Variants in PLPP5 observed in about 807,000 individuals in gnomAD.
PLPP5 encodes phospholipid phosphatase 5, also known as diacylglycerol pyrophosphate like 1.
A neutral mutation model predicts 23.6 loss-of-function variants in PLPP5; 29 were observed. The ratio of observed to expected loss-of-function variants is 1.23; its 90% CI spans 0.92 to 1.68. The LOEUF is 1.68. Among genes scored for constraint, PLPP5 ranks in the 40% most tolerant of loss-of-function variants. The pLI, the probability that PLPP5 is intolerant of heterozygous loss-of-function variation, is 0.00. For missense variants in PLPP5, 315 were observed against 332.1 expected (o/e 0.95, Z 0.40); for synonymous variants, 143 against 131.3 (o/e 1.09, Z -0.61).
At chr8:38,267,116 G>A (rs1807740988) in intron 5 of PLPP5, 151 bp downstream of exon 5, 1 of 1,508,618 alleles carries the variant, frequency 6.6e-7, no homozygotes, top group African/African-American at 1.4e-5. Context: ...TCAAGGCTCA[G>A]ACTTGTTAAA....
chr8:38,267,473 G>C lies in PLPP5; in HGVS notation c.339-82C>G. 3 of 1,530,114 alleles carry C rather than the reference G, an allele frequency of 2.0e-6. No individual in the cohort carries two copies. The Admixed American group carries it at 5.7e-5, about 29-fold the overall frequency. The allele number at this position is 1,530,114 out of a possible 1,614,324, so 94.8% of individuals were successfully genotyped here. On this transcript the variant is annotated intron_variant, in intron 4 of 6. Transcript: ENST00000424479. ...AGTTGTAGCAGACATTAATAATCCT[G>C]TTAACTATTGGTCAAATAGTGCCCC... is the stretch of plus-strand genomic sequence containing the variant.
intron 1 of PLPP5, 66 bp from the exon 2 acceptor site, chr8:38,269,056 C>G: frequency 6.6e-7 from 1 of 1,524,462 alleles, no homozygotes; most frequent in Non-Finnish European, 8.8e-7. Context: ...CACTGCCCGA[C>G]CCGCCGCCCC....
At position 38,264,507 on chromosome 8, in the gene PLPP5, A is replaced by C. The variant is rs1364672485; in HGVS notation, c.732T>G (p.Phe244Leu). The C allele has an allele frequency of 6.4e-7, 1 of 1,557,782 alleles. No homozygotes were observed. Among genetic ancestry groups the C allele is most frequent in the South Asian group, 1.2e-5 (1 of 84,374 alleles). The change falls in exon 7 of 7, where the codon TTT becomes TTG. Residue 244 changes from phenylalanine (F) to leucine (L), a missense_variant. By Grantham distance (22) the Phe-to-Leu change is conservative. Coordinates refer to ENST00000424479, the MANE Select transcript of PLPP5 (RefSeq NM_001102559.2). ...CAGTGGAAAGTACAAGTTTGTCTTG[A>C]AATGGTTTATGGCATTCTGCATCAG... ...PLTDAECHKP[F>L]QDKLVLSTAQ... is the part of the protein sequence containing the mutation.
chr8:38,264,069 GA>G lies in PLPP5; in HGVS notation c.*374del, dbSNP rs1212873432. 2.0e-6 allele frequency: 2 copies of G among 989,920 alleles called. No individual in the cohort carries two copies. The highest frequency in any genetic ancestry group is 2.4e-6 in the Non-Finnish European group (2 of 833,046). 61.3% of individuals were successfully genotyped at this position (989,920 alleles called of 1,614,324 possible). ...TGTCCTCACTTGCACCTTGGAAGGG[GA>G]AAAAAAGGCTAGAATTTCTTGTCTT... On this transcript the variant is annotated 3_prime_UTR_variant, in exon 7 of 7. Coordinates refer to ENST00000424479, the MANE Select transcript of PLPP5 (RefSeq NM_001102559.2).
In PLPP5 at chr8:38,263,935, T is replaced by G; in HGVS notation, c.*509A>C. On this transcript the variant is annotated 3_prime_UTR_variant, in exon 7 of 7. Coordinates refer to ENST00000424479, the MANE Select transcript of PLPP5 (RefSeq NM_001102559.2). ...TGTTGGACACCTTTGAAAGATCCTT[T>G]TACTAGAACATGTGGCATACAGTAG... The G allele has an allele frequency of 1.0e-6, 1 of 985,376 alleles. No homozygotes were observed. Among genetic ancestry groups the G allele is most frequent in the South Asian group, 4.7e-5 (1 of 21,288 alleles). The allele number at this position is 985,376 out of a possible 1,614,324, so 61.0% of individuals were successfully genotyped here.
At position 38,268,908 on chromosome 8, in the gene PLPP5, C is replaced by A. The variant is rs746770890; in HGVS notation, c.157G>T (p.Glu53Ter). 3.9e-6 allele frequency: 6 copies of A among 1,558,002 alleles called. No individual in the cohort carries two copies. The highest frequency in any genetic ancestry group is 2.8e-5 in the African/African-American group (2 of 71,576). ...AACATCGGCTTGGTGGGGAAATACTCCGCCTCCACGTAGGGGTTCCGGTAG... is the reference window on the plus strand; with the variant it reads ...AACATCGGCTTGGTGGGGAAATACTACGCCTCCACGTAGGGGTTCCGGTAG... ...WLYRNPYVEAEYFPTKPMFVI... is the reference protein window; with the variant it reads ...WLYRNPYVEA The change falls in exon 2 of 7, where the codon GAG (glutamate) becomes TAG (stop). Residue 53 changes from glutamate (E) to a stop codon, truncating the protein, a stop_gained. Transcript: ENST00000424479. LOFTEE classifies it high-confidence loss of function.
chr8:38,268,399 G>A lies in PLPP5; in HGVS notation c.246C>T (p.Asp82=), dbSNP rs763620893. ...GGCAGGCTTGTCTGCTGTCTCTTGT[G>A]TCTGCCTTCTTGAGAAATTTGGCCA... ...IFLAKFLKKA[D]TRDSRQACLA... Residue 82 remains aspartate, a synonymous_variant, in exon 3 of 7, where the codon GAC becomes GAT. Transcript: ENST00000424479. The A allele has an allele frequency of 1.6e-5, 25 of 1,573,474 alleles. No homozygotes were observed. In the South Asian group the frequency reaches 2.2e-4, roughly 14 times the overall value.
chr8:38,267,620 A>C (rs1185501700), intron 4 of PLPP5: 5 of 625,452 alleles, frequency 8.0e-6, no homozygotes, highest in Non-Finnish European at 1.4e-5. Context: ...TAGGGCAAAC[A>C]GCAAATGACA....
chr8:38,268,142 A>G (rs1244727203), intron 3 of PLPP5, 182 bp from the exon 4 acceptor site: 3 of 1,386,102 alleles, frequency 2.2e-6, no homozygotes, highest in African/African-American at 1.5e-5. Flanking sequence ...TACTAGGCCA[A>G]AGACATTTCT....
At chr8:38,266,056 T>C in intron 6 of PLPP5, 85 bp downstream of exon 6, 2 of 1,261,916 alleles carry the variant, frequency 1.6e-6, no homozygotes, top group East Asian at 4.8e-5. Flanking sequence ...TCAGCAGATA[T>C]TTAGTAAGCA....
At position 38,267,936 on chromosome 8, in the gene PLPP5, T is replaced by C; in HGVS notation, c.299A>G (p.Asn100Ser). ...CLAASLALALNGVFTNTIKLI... is the reference protein window; with the variant it reads ...CLAASLALALSGVFTNTIKLI... ...TTTTATTGTGTTGGTAAAGACGCCA[T>C]TCAGAGCCAGGGCAAGGCTGGCAGC... Residue 100 changes from asparagine to serine, a missense_variant, in exon 4 of 7, where the codon AAT (asparagine) becomes AGT (serine). Coordinates refer to ENST00000424479, the MANE Select transcript of PLPP5 (RefSeq NM_001102559.2). 6.2e-7 allele frequency: 1 copy of C among 1,614,022 alleles called. No homozygotes were observed. Among genetic ancestry groups the C allele is most frequent in the African/African-American group, 1.3e-5 (1 of 75,050 alleles).
chr8:38,264,793 T>C, intron 6 of PLPP5, 189 bp from the exon 7 acceptor site: 2 of 1,514,036 alleles, frequency 1.3e-6, no homozygotes, highest in South Asian at 1.3e-5. Context: ...GTATTATCAT[T>C]GTCAGGTTGC....
Position 38,264,579 on chromosome 8 carries a change from T to A in PLPP5, c.660A>T (p.Gly220=). The change falls in exon 7 of 7, where the codon GGA becomes GGT. Residue 220 remains glycine (G), a synonymous_variant. Transcript: ENST00000424479. ...WQDVLVGSMI[G]MTFAYVCYRQ... ...GATAGCAGACATAGGCAAATGTCAT[T>A]CCAATCATGGATCCAACTAGTACAT... is the stretch of plus-strand genomic sequence containing the variant. 1 of 1,593,288 alleles carries A rather than the reference T, an allele frequency of 6.3e-7. No homozygotes were observed.
Position 38,263,617 on chromosome 8 carries a change from C to T in PLPP5, c.*827G>A. On this transcript the variant is annotated 3_prime_UTR_variant, in exon 7 of 7. Transcript: ENST00000424479. ...TGGCTGGACTCAGATAAGATGCACA[C>T]AAAAGTGATAAATTACCCTAGATTC... is the stretch of plus-strand genomic sequence containing the variant. The T allele has an allele frequency of 1.0e-6, 1 of 985,322 alleles. No homozygotes were observed. The highest frequency in any genetic ancestry group is 1.2e-6 in the Non-Finnish European group (1 of 829,908). The allele number at this position is 985,322 out of a possible 1,614,324, so 61.0% of individuals were successfully genotyped here.
In PLPP5 at chr8:38,267,280, A is replaced by G; in HGVS notation, c.450T>C (p.Ser150=). ...VVNEGRKSFP[S]GHSSFAFAGL... ...TGATATTCATACAGGAAGAATGTCC[A>G]CTGGGGAAGCTCTTTCGGCCCTCAT... Residue 150 remains serine, a synonymous_variant, in exon 5 of 7, where the codon AGT becomes AGC. Transcript: ENST00000424479. 1.2e-6 allele frequency: 2 copies of G among 1,614,024 alleles called. No individual in the cohort carries two copies. Among genetic ancestry groups the G allele is most frequent in the Non-Finnish European group, 1.7e-6 (2 of 1,179,896 alleles).
At position 38,269,207 on chromosome 8, in the gene PLPP5, C is replaced by G. The variant is rs1808311320; in HGVS notation, c.-8G>C. On this transcript the variant is annotated 5_prime_UTR_variant, in exon 1 of 7. Transcript: ENST00000424479. ...CGCCGCCGCCTTCCCCATCCGGCCG[C>G]GAGCTCCGAGCGACGCTGCGCTGAC... The G allele has an allele frequency of 1.3e-6, 2 of 1,496,420 alleles. No individual in the cohort carries two copies. Among genetic ancestry groups the G allele is most frequent in the Admixed American group, 2.2e-5 (1 of 46,376 alleles). 92.7% of individuals were successfully genotyped at this position (1,496,420 alleles called of 1,614,324 possible). A position where few individuals can be genotyped will look rare whatever the true frequency, so the allele number is the denominator to read the frequency against.
intron 6 of PLPP5, among the ~76,000 whole-genome samples, chr8:38,265,238 C>A (rs1238529619): frequency 6.8e-6 from 1 of 146,462 alleles, no homozygotes; most frequent in East Asian, 2.0e-4. Context: ...TGCACTCCAG[C>A]CTGGGCGCAG....
chr8:38,269,222 G>A lies in PLPP5; in HGVS notation c.-23C>T. 1 of 1,484,758 alleles carries A rather than the reference G, an allele frequency of 6.7e-7. No individual in the cohort carries two copies. The highest frequency in any genetic ancestry group is 8.9e-7 in the Non-Finnish European group (1 of 1,125,594). The allele number at this position is 1,484,758 out of a possible 1,614,324, so 92.0% of individuals were successfully genotyped here. On this transcript the variant is annotated 5_prime_UTR_variant, in exon 1 of 7. Coordinates refer to ENST00000424479, the MANE Select transcript of PLPP5 (RefSeq NM_001102559.2). Reference sequence around the variant, plus strand: ...CATCCGGCCGCGAGCTCCGAGCGACGCTGCGCTGACGTGGCCACCTCCGCG... The same window carrying A: ...CATCCGGCCGCGAGCTCCGAGCGACACTGCGCTGACGTGGCCACCTCCGCG...
At chr8:38,264,909 T>G in intron 6 of PLPP5, 1 of 1,612,938 alleles carries the variant, frequency 6.2e-7, no homozygotes, top group Non-Finnish European at 8.5e-7. Flanking sequence ...AAAGGTCCAC[T>G]TATTGCTATT....
Sources: gnomAD v4.1 joint callset for allele counts (sites outside exome capture counted in the v4.1 genomes callset) on GRCh38, gnomAD v4.1.1 for gene constraint, MANE v1.5 for transcripts, NCBI Gene and HGNC (gene_info 2026-07-23, HGNC 2026-07-21) for gene names.